Variants in ZNF786 observed in about 807,000 individuals in gnomAD.
The protein encoded by ZNF786 is zinc finger protein 786.
ZNF786 carries 56 observed loss-of-function variants against 63.1 expected under a neutral mutation model. The observed-to-expected ratio is 0.89, with a 90% CI of 0.72 to 1.11. ZNF786 has a LOEUF of 1.11. Ranked by LOEUF, ZNF786 falls within the 50% of genes least tolerant of loss-of-function variation. The probability of loss-of-function intolerance (pLI) is 0.00; values close to 1 mark genes in which losing one functional copy is unlikely to be tolerated. For synonymous variants in ZNF786, 485 were observed against 406.9 expected, an observed-to-expected ratio of 1.19 and a Z score of -2.31; for missense variants, 1,213 against 1,041.8, an observed-to-expected ratio of 1.16 and a Z score of -2.26.
chr7:149,075,662 T>G (rs921683124), intron 2 of ZNF786, among the ~76,000 whole-genome samples: 2 of 112,786 alleles, frequency 1.8e-5, no homozygotes, highest in Non-Finnish European at 3.7e-5. Context: ...CAGGTTTTTT[T>G]TTTTTTTTTT....
At chr7:149,082,404 T>C in intron 1 of ZNF786, 1 of 284,550 alleles carries the variant, frequency 3.5e-6, no homozygotes, top group Non-Finnish European at 5.3e-6. Flanking sequence ...TTTATTACAG[T>C]TGACTTAGAT....
At chr7:149,084,351 C>CA (rs60194366) in intron 1 of ZNF786, among the ~76,000 whole-genome samples, 7,730 of 59,578 alleles carry the variant, frequency 0.13, 169 homozygotes, top group African/African-American at 0.21. Context: ...AACTGCATCC[C>CA]AAAAAAAAAA....
At position 149,071,975 on chromosome 7, in the gene ZNF786, C is replaced by T. The variant is rs1024133282; in HGVS notation, c.797G>A (p.Gly266Asp). Residue 266 changes from glycine (G) to aspartate (D), a missense_variant, in exon 4 of 4, where the codon GGC becomes GAC. Physicochemically the swap from Gly to Asp is moderately conservative, Grantham distance 94. Coordinates refer to ENST00000491431, the MANE Select transcript of ZNF786 (RefSeq NM_152411.4). ...LRHLAAHTGR[G>D]PFRNADGEMC... ...TTCACCGTCAGCGTTCCGGAAGGGG[C>T]CCCTCCCCGTGTGGGCCGCCAGATG... 1 of 1,612,316 alleles carries T rather than the reference C, an allele frequency of 6.2e-7. No individual in the cohort carries two copies. Among genetic ancestry groups the T allele is most frequent in the Non-Finnish European group, 8.5e-7 (1 of 1,179,836 alleles).
intron 1 of ZNF786, among the ~76,000 whole-genome samples, chr7:149,081,911 A>G (rs1402751479): frequency 6.6e-6 from 1 of 152,240 alleles, no homozygotes; most frequent in East Asian, 1.9e-4. Context: ...ACAAAGTCTC[A>G]GGTAACAAAA....
In ZNF786 at chr7:149,083,278, C is replaced by T. The variant is rs948667175; in HGVS notation, c.19-2561G>A. 5.3e-5 allele frequency among the ~76,000 whole-genome samples: 8 copies of T among 151,130 alleles called. No individual in the cohort carries two copies. The East Asian group carries it at 5.9e-4, about 11-fold the overall frequency. On this transcript the variant is annotated intron_variant, in intron 1 of 3. Transcript: ENST00000491431. ...TTGCCCAGGTTGGAGTAAAGTGGCA[C>T]GATCTCAGCTCACTGCAACCTCCAC... is the stretch of plus-strand genomic sequence containing the variant.
intron 2 of ZNF786, among the ~76,000 whole-genome samples, chr7:149,078,758 T>A (rs1312872746): frequency 5.3e-5 from 8 of 151,990 alleles, no homozygotes; most frequent in African/African-American, 1.9e-4. Flanking sequence ...AAGGAAGTGG[T>A]ATGGCTGTTG....
intron 1 of ZNF786, chr7:149,081,061 C>T (rs1026102374): frequency 6.5e-6 from 3 of 463,736 alleles, no homozygotes; most frequent in African/African-American, 5.9e-5. Context: ...GAGGCAAATT[C>T]ATTTTTTTGG....
At chr7:149,073,753 A>ATATATATATATATATATATATATG (rs1825486348) in intron 3 of ZNF786, among the ~76,000 whole-genome samples, 1 of 66,418 alleles carries the variant, frequency 1.5e-5, no homozygotes, top group African/African-American at 4.8e-5. Context: ...GTGTGTATAT[A>ATATATATATATATATATATATATG]TATATATATA....
At chr7:149,088,674 A>G (rs1825775829) in intron 1 of ZNF786, among the ~76,000 whole-genome samples, 2 of 152,214 alleles carry the variant, frequency 1.3e-5, no homozygotes, top group Admixed American at 1.3e-4. Flanking sequence ...CCACTGACTT[A>G]ACAAGTTTAA....
In ZNF786 at chr7:149,071,753, T is replaced by C. The variant is rs776881917; in HGVS notation, c.1019A>G (p.Gln340Arg). ...RGASSSVHSGQKPGSRLPQEG... is the reference protein window; with the variant it reads ...RGASSSVHSGRKPGSRLPQEG... ...CTGGGGCAGGCGCGAGCCTGGTTTC[T>C]GTCCCGAGTGCACACTGCTGGAGGC... The change falls in exon 4 of 4, where the codon CAG (glutamine) becomes CGG (arginine). Residue 340 changes from glutamine (Q) to arginine (R), a missense_variant. Gln to Arg is a conservative substitution (Grantham distance 43, BLOSUM62 1). Coordinates refer to ENST00000491431, the MANE Select transcript of ZNF786 (RefSeq NM_152411.4). The C allele has an allele frequency of 4.4e-6, 7 of 1,588,884 alleles. No homozygotes were observed. The highest frequency in any genetic ancestry group is 6.0e-6 in the Non-Finnish European group (7 of 1,174,770).
chr7:149,086,125 T>C (rs1307152241), intron 1 of ZNF786, among the ~76,000 whole-genome samples: 1 of 152,196 alleles, frequency 6.6e-6, no homozygotes, highest in Non-Finnish European at 1.5e-5. Context: ...TTTTGTTATA[T>C]TCATTATGAA....
chr7:149,074,165 T>TA lies in ZNF786; in HGVS notation c.298+220dup, dbSNP rs149502188. Among the ~76,000 whole-genome samples, 508 of 152,090 alleles carry TA rather than the reference T, an allele frequency of 3.3e-3. 27 individuals carry two copies. In the East Asian group the frequency reaches 0.089, roughly 27 times the overall value. On this transcript the variant is annotated intron_variant, in intron 3 of 3. Transcript: ENST00000491431. The stretch of plus-strand genomic sequence containing the variant: ...TCATTTTATAGATCAGGCATTGAAA[T>TA]ACCAAAAGGTTCAATAACTTGCCCA...
intron 2 of ZNF786, among the ~76,000 whole-genome samples, chr7:149,080,198 C>A (rs780906226): frequency 6.6e-6 from 1 of 151,922 alleles, no homozygotes; most frequent in Admixed American, 6.6e-5. Flanking sequence ...TCCAAAATAG[C>A]TTTTCTGAAG....
At position 149,080,603 on chromosome 7, in the gene ZNF786, G is replaced by A. The variant is rs375936447; in HGVS notation, c.133C>T (p.Leu45Phe). 6.2e-7 allele frequency: 1 copy of A among 1,610,488 alleles called. No homozygotes were observed. Reference protein sequence around the residue: ...KHVMRSNYETLVSLDDGLPKP... With the variant: ...KHVMRSNYETFVSLDDGLPKP... ...GAACAGGTCTTACCTAGAGAGACGA[G>A]AGTCTCATAATTGCTTCTCATCACA... is the stretch of plus-strand genomic sequence containing the variant. Residue 45 changes from leucine (L) to phenylalanine (F), a missense_variant, in exon 2 of 4, where the codon CTC becomes TTC. Coordinates refer to ENST00000491431, the MANE Select transcript of ZNF786 (RefSeq NM_152411.4).
chr7:149,071,995 C>A lies in ZNF786; in HGVS notation c.777G>T (p.Leu259=). The A allele has an allele frequency of 6.2e-7, 1 of 1,612,860 alleles. No homozygotes were observed. ...AGGGGCCCCTCCCCGTGTGGGCCGC[C>A]AGATGGCGCAGCAGACACAGCTTCC... is the stretch of plus-strand genomic sequence containing the variant. ...FRRKLCLLRH[L]AAHTGRGPFR... Residue 259 remains leucine (L), a synonymous_variant, in exon 4 of 4, where the codon CTG becomes CTT. Coordinates refer to ENST00000491431, the MANE Select transcript of ZNF786 (RefSeq NM_152411.4).
chr7:149,075,011 G>A (rs1825519248), intron 2 of ZNF786, among the ~76,000 whole-genome samples: 1 of 151,858 alleles, frequency 6.6e-6, no homozygotes, highest in South Asian at 2.1e-4. Flanking sequence ...CGCATTTTTA[G>A]TGGAGACGGG....
Position 149,070,411 on chromosome 7 carries a change from TC to T in ZNF786, c.*11del, listed in dbSNP as rs1304521309. ...CCAATCCTGCTCAACGCTTTGGATG[TC>T]CCACTCTGCCTCAACTCCAATCGGC... On this transcript the variant is annotated 3_prime_UTR_variant, in exon 4 of 4. Transcript: ENST00000491431. 3 of 1,609,582 alleles carry T rather than the reference TC, an allele frequency of 1.9e-6. No individual in the cohort carries two copies. In the African/African-American group the frequency reaches 4.0e-5, roughly 22 times the overall value.
Position 149,071,341 on chromosome 7 carries a change from G to A in ZNF786, c.1431C>T (p.Asp477=), listed in dbSNP as rs1825410905. The change falls in exon 4 of 4, where the codon GAC becomes GAT. Residue 477 remains aspartate, a synonymous_variant. Coordinates refer to ENST00000491431, the MANE Select transcript of ZNF786 (RefSeq NM_152411.4). ...QLLRHQRLHT[D]EKPFQCPECG... ...ACTCTGGGCACTGAAAGGGCTTCTC[G>A]TCCGTGTGCAGCCGCTGGTGCCGCA... 6.2e-7 allele frequency: 1 copy of A among 1,612,776 alleles called. No homozygotes were observed. Among genetic ancestry groups the A allele is most frequent in the African/African-American group, 1.3e-5 (1 of 74,796 alleles).
rs1481104368 is a variant in ZNF786, at chr7:149,072,403, G to C, written c.369C>G (p.Ser123=). 1 of 1,612,744 alleles carries C rather than the reference G, an allele frequency of 6.2e-7. No homozygotes were observed. The highest frequency in any genetic ancestry group is 8.5e-7 in the Non-Finnish European group (1 of 1,179,444). ...HFQLDPESQC[S]FGSFVSFRPD... ...GCCTGAAGGAAACAAAGGATCCAAA[G>C]GAACACTGGCTTTCAGGATCTAATT... The change falls in exon 4 of 4, where the codon TCC becomes TCG. Residue 123 remains serine (S), a synonymous_variant. Coordinates refer to ENST00000491431, the MANE Select transcript of ZNF786 (RefSeq NM_152411.4).
Sources: allele counts gnomAD v4.1 joint callset (sites outside exome capture counted in the v4.1 genomes callset), GRCh38; gene constraint gnomAD v4.1.1; transcripts MANE v1.5; gene names NCBI Gene and HGNC (gene_info 2026-07-23, HGNC 2026-07-21).